Variants in WLS observed in about 807,000 individuals in gnomAD.
WLS encodes the protein Wnt ligand secretion mediator.
A neutral mutation model predicts 62.8 loss-of-function variants in WLS; 23 were observed. The observed-to-expected ratio is 0.37, with a 90% CI of 0.26 to 0.52. The LOEUF (loss-of-function observed/expected upper bound fraction) is 0.52. WLS is among the 20% of genes least tolerant of loss of function. The pLI is 0.92. For synonymous variants in WLS, 246 were observed against 244.1 expected (o/e 1.01, Z -0.07); for missense variants, 615 against 697.3 (o/e 0.88, Z 1.33).
At position 68,145,886 on chromosome 1, in the gene WLS, G is replaced by A. The variant is rs1646746678; in HGVS notation, c.1261C>T (p.Arg421Trp). The A allele has an allele frequency of 3.1e-6, 5 of 1,614,148 alleles. No homozygotes were observed. Among genetic ancestry groups the A allele is most frequent in the South Asian group, 1.1e-5 (1 of 91,074 alleles). Reference sequence around the variant, plus strand: ...CTGCCCACCTCATAGTGTAGCCGCCGGACTTTGCTCATAGCTGGCAGGCTG... The same window carrying A: ...CTGCCCACCTCATAGTGTAGCCGCCAGACTTTGCTCATAGCTGGCAGGCTG... Reference protein sequence around the residue: ...QSSLPAMSKVRRLHYEGLIFR... With the variant: ...QSSLPAMSKVWRLHYEGLIFR... Residue 421 changes from arginine (R) to tryptophan (W), a missense_variant, in exon 9 of 12, where the codon CGG (arginine) becomes TGG (tryptophan). Transcript: ENST00000262348.
chr1:68,124,889 G>A (rs549108969), downstream of WLS, among the ~76,000 whole-genome samples: 1 of 152,284 alleles, frequency 6.6e-6, no homozygotes, highest in South Asian at 2.1e-4. Context: ...ACACATTTAT[G>A]TGGCTTGCTG....
chr1:68,119,868 C>A (rs1646342109), intron 11 of WLS, among the ~76,000 whole-genome samples: 1 of 152,218 alleles, frequency 6.6e-6, no homozygotes, highest in Non-Finnish European at 1.5e-5. Context: ...CTTGGCTGTT[C>A]CTGTGTGTAG....
At chr1:68,114,690 C>T (rs1288793490) in intron 11 of WLS, among the ~76,000 whole-genome samples, 1 of 152,180 alleles carries the variant, frequency 6.6e-6, no homozygotes, top group Non-Finnish European at 1.5e-5. Context: ...CCCCTTTATC[C>T]CTCGAGCCAG....
chr1:68,196,690 A>G (rs900974128), intron 1 of WLS, among the ~76,000 whole-genome samples: 1 of 152,158 alleles, frequency 6.6e-6, no homozygotes, highest in African/African-American at 2.4e-5. Context: ...ACTCAACACT[A>G]CTAAGCTCTA....
At chr1:68,114,519 G>A (rs181431136) in intron 11 of WLS, among the ~76,000 whole-genome samples, 24 of 152,310 alleles carry the variant, frequency 1.6e-4, no homozygotes, top group Admixed American at 1.6e-3. Flanking sequence ...CAACAGCAAT[G>A]CTAAGTGGTA....
downstream of WLS, among the ~76,000 whole-genome samples, chr1:68,124,944 T>A (rs1001164268): frequency 1.3e-5 from 2 of 152,238 alleles, no homozygotes; most frequent in African/African-American, 4.8e-5. Flanking sequence ...AAATTTTCAC[T>A]GTGACCCCAG....
At chr1:68,128,152 C>T (rs1488039987) in intron 11 of WLS, among the ~76,000 whole-genome samples, 2 of 152,168 alleles carry the variant, frequency 1.3e-5, no homozygotes, top group Non-Finnish European at 2.9e-5. Context: ...TCAGTCCAGC[C>T]TCCAGCACAT....
chr1:68,215,955 A>G (rs578148227), intron 1 of WLS, among the ~76,000 whole-genome samples: 74 of 152,308 alleles, frequency 4.9e-4, no homozygotes, highest in African/African-American at 1.7e-3. Flanking sequence ...GGGAAAGAGA[A>G]AAACTCTGGA....
At chr1:68,118,522 A>G (rs1245158248) in intron 11 of WLS, among the ~76,000 whole-genome samples, 1 of 151,962 alleles carries the variant, frequency 6.6e-6, no homozygotes, top group East Asian at 1.9e-4. Context: ...CCTTTACCAC[A>G]CCAATATACT....
intron 1 of WLS, among the ~76,000 whole-genome samples, chr1:68,207,525 A>G (rs1649329512): frequency 1.3e-5 from 2 of 152,226 alleles, no homozygotes; most frequent in Non-Finnish European, 2.9e-5. Context: ...TACACTGATT[A>G]CCCTCTACAA....
intron 1 of WLS, among the ~76,000 whole-genome samples, chr1:68,221,423 G>A (rs1649937001): frequency 6.6e-6 from 1 of 152,176 alleles, no homozygotes; most frequent in South Asian, 2.1e-4. Flanking sequence ...TCTTATCTAT[G>A]ACTTCACTTA....
At chr1:68,147,953 A>T (rs1646773790) in intron 8 of WLS, among the ~76,000 whole-genome samples, 183 bp downstream of exon 8, 1 of 152,226 alleles carries the variant, frequency 6.6e-6, no homozygotes, top group Admixed American at 6.5e-5. Flanking sequence ...GCTCTCACCC[A>T]GGCTTGAAAG....
chr1:68,197,689 C>G (rs1430739), intron 1 of WLS, among the ~76,000 whole-genome samples: 19,311 of 152,084 alleles, frequency 0.13, 1,685 homozygotes, highest in African/African-American at 0.25. Context: ...ATCACGTAAA[C>G]CAAAAGCAAA....
chr1:68,128,302 C>A (rs1237824252), intron 11 of WLS, among the ~76,000 whole-genome samples: 1 of 152,248 alleles, frequency 6.6e-6, no homozygotes, highest in Non-Finnish European at 1.5e-5. Flanking sequence ...TGTATTCTCA[C>A]TGCTGCAACA....
intron 11 of WLS, among the ~76,000 whole-genome samples, chr1:68,133,583 G>A (rs1012788717): frequency 6.6e-6 from 1 of 152,172 alleles, no homozygotes. Context: ...GAGGTGCTCC[G>A]TGGTTCATTT....
chr1:68,111,929 TGGCTTGCTCTGGTACTAAC>T (rs1199982424), intron 11 of WLS, among the ~76,000 whole-genome samples: 2 of 152,236 alleles, frequency 1.3e-5, no homozygotes, highest in Non-Finnish European at 2.9e-5. Context: ...AGCAGAAAAC[TGGCTTGCTCTGGTACTAAC>T]TGCATTCTCA....
chr1:68,110,859 AG>A (rs1040386268), intron 11 of WLS, among the ~76,000 whole-genome samples: 3 of 152,150 alleles, frequency 2.0e-5, no homozygotes, highest in African/African-American at 7.2e-5. Context: ...AAAATTAAAG[AG>A]GCTCCTTATT....
At chr1:68,152,392 A>C (rs1295172657) in intron 5 of WLS, among the ~76,000 whole-genome samples, 1 of 152,234 alleles carries the variant, frequency 6.6e-6, no homozygotes, top group Non-Finnish European at 1.5e-5. Context: ...CAGGTGCCCC[A>C]GTCCCAAAGT....
intron 2 of WLS, among the ~76,000 whole-genome samples, chr1:68,161,379 T>C (rs1188361272): frequency 6.6e-6 from 1 of 152,232 alleles, no homozygotes; most frequent in African/African-American, 2.4e-5. Context: ...GGATATCCTC[T>C]TAATATTTTT....
Sources: allele counts gnomAD v4.1 joint callset (sites outside exome capture counted in the v4.1 genomes callset), GRCh38; gene constraint gnomAD v4.1.1; transcripts MANE v1.5; gene names NCBI Gene and HGNC (gene_info 2026-07-23, HGNC 2026-07-21).